The following DPP10 variants were observed in gnomAD, a reference collection of about 807,000 sequenced individuals.
DPP10 encodes the protein dipeptidyl peptidase like 10.
In DPP10, 33 loss-of-function variants were observed where a neutral mutation model predicts 120.9. That is an observed-to-expected ratio of 0.27 (90% CI 0.21 to 0.37). The LOEUF is 0.37. Among genes scored for constraint, DPP10 ranks in the 10% least tolerant of loss-of-function variants. DPP10 has a pLI of 1.00. For synonymous variants in DPP10, 337 were observed against 326.1 expected (o/e 1.03, Z -0.36); for missense variants, 816 against 942.8 (o/e 0.87, Z 1.76).
intron 3 of DPP10, chr2:115,468,486 G>A (rs752633098): frequency 4.6e-6 from 2 of 434,738 alleles, no homozygotes; most frequent in African/African-American, 2.0e-5. Flanking sequence ...GCTTACTATT[G>A]CTCTGTGTTA....
intron 1 of DPP10, among the ~76,000 whole-genome samples, chr2:114,936,519 T>C (rs1696493718): frequency 6.6e-6 from 1 of 152,036 alleles, no homozygotes; most frequent in Non-Finnish European, 1.5e-5. Flanking sequence ...TGGTTCCACA[T>C]TTTTACAATT....
chr2:115,749,124 T>C (rs1678385752), intron 10 of DPP10, among the ~76,000 whole-genome samples: 1 of 152,196 alleles, frequency 6.6e-6, no homozygotes, highest in Admixed American at 6.5e-5. Flanking sequence ...AAACATTTTG[T>C]CAAATTGTTG....
intron 2 of DPP10, among the ~76,000 whole-genome samples, chr2:115,333,784 G>A (rs915231487): frequency 2.0e-5 from 3 of 151,992 alleles, no homozygotes; most frequent in Admixed American, 1.3e-4. Flanking sequence ...GGTTTCTGCC[G>A]AGAGATCCGC....
At chr2:114,769,370 C>A (rs1681041913) in intron 1 of DPP10, among the ~76,000 whole-genome samples, 1 of 152,116 alleles carries the variant, frequency 6.6e-6, no homozygotes, top group African/African-American at 2.4e-5. Context: ...CCCCCAGAGC[C>A]AGAAGCCTCC....
chr2:114,639,048 C>T (rs368874899), intron 1 of DPP10, among the ~76,000 whole-genome samples: 1 of 151,874 alleles, frequency 6.6e-6, no homozygotes, highest in African/African-American at 2.4e-5. Flanking sequence ...AAACCAAATA[C>T]TGCGTGTTCT....
intron 3 of DPP10, among the ~76,000 whole-genome samples, chr2:115,419,237 T>C (rs910862551): frequency 9.2e-5 from 14 of 152,092 alleles, no homozygotes; most frequent in African/African-American, 3.4e-4. Context: ...AAGAGAGGAA[T>C]CCAGGCAAGA....
chr2:115,526,130 A>G (rs1322093221), intron 5 of DPP10, 158 bp downstream of exon 5: 2 of 540,054 alleles, frequency 3.7e-6, no homozygotes, highest in African/African-American at 2.0e-5. Flanking sequence ...ATGTTTGAAG[A>G]TAATGTCCAA....
intron 1 of DPP10, among the ~76,000 whole-genome samples, chr2:115,253,348 G>A (rs1447064640): frequency 4.6e-5 from 7 of 152,008 alleles, no homozygotes; most frequent in African/African-American, 7.2e-5. Context: ...ATTCCACCCC[G>A]AACCTACAAT....
chr2:114,906,382 CAAA>C (rs1184226315), intron 1 of DPP10, among the ~76,000 whole-genome samples: 6 of 112,154 alleles, frequency 5.3e-5, no homozygotes, highest in African/African-American at 3.1e-5. Flanking sequence ...AGTTCTATCT[CAAA>C]AAAAAAAAAA....
intron 2 of DPP10, among the ~76,000 whole-genome samples, chr2:115,336,465 C>G (rs1222543024): frequency 6.6e-6 from 1 of 151,774 alleles, no homozygotes; most frequent in African/African-American, 2.4e-5. Context: ...TGTCCCTATT[C>G]ATAATTATAG....
intron 5 of DPP10, among the ~76,000 whole-genome samples, chr2:115,548,899 A>T (rs1281685538): frequency 6.6e-6 from 1 of 152,138 alleles, no homozygotes; most frequent in Non-Finnish European, 1.5e-5. Flanking sequence ...TCTCACCAAA[A>T]TGTAATGTTC....
At chr2:115,423,991 G>A (rs2070225914) in intron 3 of DPP10, among the ~76,000 whole-genome samples, 1 of 152,150 alleles carries the variant, frequency 6.6e-6, no homozygotes, top group South Asian at 2.1e-4. Flanking sequence ...AGGGAAGATT[G>A]TCTTCAGGAT....
At position 115,812,864 on chromosome 2, in the gene DPP10, T is replaced by C. The variant is rs1053499700; in HGVS notation, c.1701-1929T>C. ...AAAGATTTACTAAACTTTGGAAATA[T>C]GGAGTACATGACATAATGGATCTTA... On this transcript the variant is annotated intron_variant, in intron 19 of 25. Transcript: ENST00000410059. 2.6e-5 allele frequency among the ~76,000 whole-genome samples: 4 copies of C among 151,194 alleles called. No homozygotes were observed. The East Asian group carries it at 7.8e-4, about 30-fold the overall frequency.
intron 1 of DPP10, among the ~76,000 whole-genome samples, chr2:114,895,739 C>T (rs577385794): frequency 7.2e-5 from 11 of 152,212 alleles, no homozygotes; most frequent in East Asian, 1.9e-4. Context: ...GACAGAGTAA[C>T]GAAAAAGTAT....
chr2:114,964,268 A>G (rs1025434884), intron 1 of DPP10, among the ~76,000 whole-genome samples: 3 of 152,092 alleles, frequency 2.0e-5, no homozygotes, highest in African/African-American at 7.2e-5. Flanking sequence ...CTTTTCTTAC[A>G]TTCAACAAAT....
At chr2:115,588,981 T>G (rs886295999) in intron 5 of DPP10, among the ~76,000 whole-genome samples, 6 of 152,188 alleles carry the variant, frequency 3.9e-5, no homozygotes. Flanking sequence ...AAATTATTAC[T>G]TGTAAAACGA....
At chr2:115,381,312 ATCACTAATACCCTTTCT>A (rs1423437892) in intron 3 of DPP10, among the ~76,000 whole-genome samples, 75 of 152,072 alleles carry the variant, frequency 4.9e-4, no homozygotes, top group African/African-American at 1.6e-3. Context: ...TTCATCTTCC[ATCACTAATACCCTTTCT>A]TCCAGTTGAT....
intron 3 of DPP10, among the ~76,000 whole-genome samples, chr2:115,398,884 T>C (rs1371544138): frequency 6.6e-6 from 1 of 152,180 alleles, no homozygotes; most frequent in East Asian, 1.9e-4. Context: ...TTAATTTATG[T>C]TATAGTTTGA....
At chr2:115,703,735 C>CGT (rs1182562189) in intron 7 of DPP10, among the ~76,000 whole-genome samples, 1 of 151,982 alleles carries the variant, frequency 6.6e-6, no homozygotes, top group Non-Finnish European at 1.5e-5. Flanking sequence ...TCCACAGCAA[C>CGT]GTCTAGACTA....
Sources: allele counts gnomAD v4.1 joint callset (sites outside exome capture counted in the v4.1 genomes callset), GRCh38; gene constraint gnomAD v4.1.1; transcripts MANE v1.5; gene names NCBI Gene and HGNC (gene_info 2026-07-23, HGNC 2026-07-21).